The following RBFOX1 variants were observed in gnomAD, a reference collection of about 807,000 sequenced individuals.
RBFOX1 encodes the protein RNA binding protein fox-1 homolog 1.
Under a neutral mutation model 57.7 loss-of-function variants are expected in RBFOX1, and 8 were observed. The ratio of observed to expected loss-of-function variants is 0.14; its 90% CI spans 0.08 to 0.25. The LOEUF is 0.25. Ranked by LOEUF, RBFOX1 falls within the 10% of genes least tolerant of loss-of-function variation. The pLI, the probability that RBFOX1 is intolerant of heterozygous loss-of-function variation, is 1.00. For synonymous variants in RBFOX1, 326 were observed against 222.4 expected (o/e 1.47, Z -4.15); for missense variants, 611 against 548.5 (o/e 1.11, Z -1.14).
chr16:7,221,548 G>C (rs565364482), intron 4 of RBFOX1, among the ~76,000 whole-genome samples: 25 of 152,078 alleles, frequency 1.6e-4, no homozygotes, highest in African/African-American at 4.8e-4. Context: ...TGTATTTTTA[G>C]TAGAGAAGGG....
In RBFOX1 at chr16:5,514,502, T is replaced by G. The variant is rs563919992; in HGVS notation, c.258+47248T>G. On this transcript the variant is annotated intron_variant, in intron 2 of 2. Transcript: ENST00000585867. ...GGAAGGGGCAGTAAGACCTGCCTCT[T>G]TAGTGAGAGGAGCCATGAGTGACAG... Among the ~76,000 whole-genome samples the G allele has an allele frequency of 1.6e-4, 24 of 152,212 alleles. No homozygotes were observed. The South Asian group carries it at 5.0e-3, about 32-fold the overall frequency.
intron 3 of RBFOX1, among the ~76,000 whole-genome samples, chr16:6,795,550 G>C (rs188029909): frequency 1.3e-5 from 2 of 151,908 alleles, no homozygotes; most frequent in Non-Finnish European, 2.9e-5. Context: ...GGTGAATCAC[G>C]AGGTCACAAG....
intron 2 of RBFOX1, among the ~76,000 whole-genome samples, chr16:6,610,500 T>C (rs2098030168): frequency 6.6e-6 from 1 of 152,074 alleles, no homozygotes; most frequent in African/African-American, 2.4e-5. Context: ...GCTGATTTTT[T>C]TGTACTTTTT....
chr16:7,554,673 T>G (rs1398304832), intron 5 of RBFOX1, among the ~76,000 whole-genome samples: 1 of 152,124 alleles, frequency 6.6e-6, no homozygotes, highest in Non-Finnish European at 1.5e-5. Context: ...ATTTTTTTAT[T>G]TTTAAGCACC....
intron 4 of RBFOX1, among the ~76,000 whole-genome samples, chr16:5,996,892 G>T (rs2152325350): frequency 6.6e-6 from 1 of 152,204 alleles, no homozygotes; most frequent in South Asian, 2.1e-4. Context: ...TTTTGCCATT[G>T]AAAGTAAGAG....
chr16:7,147,471 C>G (rs1246458665), intron 4 of RBFOX1, among the ~76,000 whole-genome samples: 2 of 152,074 alleles, frequency 1.3e-5, no homozygotes, highest in South Asian at 2.1e-4. Flanking sequence ...GGCCTTCCCA[C>G]TCCCCTGCAT....
At chr16:5,857,161 A>T (rs1481429190) in intron 3 of RBFOX1, among the ~76,000 whole-genome samples, 1 of 152,176 alleles carries the variant, frequency 6.6e-6, no homozygotes, top group African/African-American at 2.4e-5. Context: ...CTCAGAGAAT[A>T]GGGAGACCTG....
intron 4 of RBFOX1, among the ~76,000 whole-genome samples, chr16:7,174,808 A>G (rs1412396681): frequency 6.6e-6 from 1 of 152,014 alleles, no homozygotes; most frequent in Non-Finnish European, 1.5e-5. Context: ...AAACAAACAA[A>G]CCATTAAAGT....
chr16:6,808,178 G>GTGTGTGTGTGTGTATA (rs1318609964), intron 3 of RBFOX1, among the ~76,000 whole-genome samples: 7 of 145,572 alleles, frequency 4.8e-5, no homozygotes, highest in African/African-American at 1.6e-4. Context: ...GTGTGTGTGT[G>GTGTGTGTGTGTGTATA]TATATATATA....
chr16:7,148,638 C>T (rs552203659), intron 4 of RBFOX1, among the ~76,000 whole-genome samples: 1 of 152,294 alleles, frequency 6.6e-6, no homozygotes, highest in African/African-American at 2.4e-5. Flanking sequence ...GTGATAAATT[C>T]CAGTTGTGTA....
chr16:6,203,482 A>C (rs1323812664), intron 1 of RBFOX1, among the ~76,000 whole-genome samples: 1 of 152,116 alleles, frequency 6.6e-6, no homozygotes, highest in Non-Finnish European at 1.5e-5. Context: ...TTATCCATTC[A>C]TTGTTGATGG....
intron 1 of RBFOX1, among the ~76,000 whole-genome samples, chr16:5,263,880 A>G (rs1001393628): frequency 6.6e-6 from 1 of 152,232 alleles, no homozygotes; most frequent in African/African-American, 2.4e-5. Context: ...AGAGAAGTGA[A>G]GTCTACCATA....
intron 4 of RBFOX1, among the ~76,000 whole-genome samples, chr16:7,148,182 A>C (rs1261899545): frequency 6.6e-6 from 1 of 152,232 alleles, no homozygotes; most frequent in Non-Finnish European, 1.5e-5. Context: ...ATTTACACCA[A>C]ATACTGCCTG....
chr16:5,450,297 C>A (rs2068382527), intron 1 of RBFOX1, among the ~76,000 whole-genome samples: 1 of 152,126 alleles, frequency 6.6e-6, no homozygotes, highest in Admixed American at 6.5e-5. Flanking sequence ...GGCTCTGGGT[C>A]CTGCTTACAT....
chr16:5,911,925 T>C (rs2058611264), intron 4 of RBFOX1, among the ~76,000 whole-genome samples: 1 of 152,150 alleles, frequency 6.6e-6, no homozygotes, highest in Admixed American at 6.6e-5. Context: ...GATTTCAGTA[T>C]ATGAATTTTG....
chr16:5,949,001 T>C (rs1252955161), intron 4 of RBFOX1, among the ~76,000 whole-genome samples: 1 of 152,170 alleles, frequency 6.6e-6, no homozygotes, highest in Non-Finnish European at 1.5e-5. Context: ...TCTTTCTCTC[T>C]ATGTGTTTGT....
chr16:7,383,872 T>C (rs549759440), intron 4 of RBFOX1, among the ~76,000 whole-genome samples: 3 of 152,076 alleles, frequency 2.0e-5, no homozygotes, highest in South Asian at 2.1e-4. Context: ...CTGGCTAACA[T>C]GGTGAAATAC....
intron 4 of RBFOX1, among the ~76,000 whole-genome samples, chr16:5,999,867 CAAAAAAAAAAAAAAAAAAAA>C (rs869221577): frequency 1.0e-3 from 28 of 27,672 alleles, no homozygotes; most frequent in African/African-American, 3.0e-3. Context: ...GACTCCACCT[CAAAAAAAAAAAAAAAAAAAA>C]AAAAAAAAAA....
At chr16:6,539,154 T>C (rs2096776799) in intron 2 of RBFOX1, among the ~76,000 whole-genome samples, 2 of 152,048 alleles carry the variant, frequency 1.3e-5, no homozygotes, top group Non-Finnish European at 2.9e-5. Context: ...GCCCATGGTA[T>C]GACTGTTCTT....
Sources: gnomAD v4.1 joint callset for allele counts (sites outside exome capture counted in the v4.1 genomes callset) on GRCh38, gnomAD v4.1.1 for gene constraint, MANE v1.5 for transcripts, NCBI Gene and HGNC (gene_info 2026-07-23, HGNC 2026-07-21) for gene names.